Variants in PRMT3 observed in about 807,000 individuals in gnomAD.
PRMT3 encodes the protein protein arginine N-methyltransferase 3.
In PRMT3, 62 loss-of-function variants were observed where a neutral mutation model predicts 71.9. That is an observed-to-expected ratio of 0.86 (90% CI 0.70 to 1.07). The LOEUF (loss-of-function observed/expected upper bound fraction) is 1.07, where lower values mean the gene tolerates loss of function less well. PRMT3 is among the 50% of genes least tolerant of loss of function. The pLI is 0.00. For missense variants in PRMT3, 663 were observed against 643.0 expected, an observed-to-expected ratio of 1.03 and a Z score of -0.34; for synonymous variants, 213 against 220.4, an observed-to-expected ratio of 0.97 and a Z score of 0.30.
chr11:20,433,284 T>G (rs1343617607), intron 10 of PRMT3, among the ~76,000 whole-genome samples: 1 of 152,172 alleles, frequency 6.6e-6, no homozygotes, highest in Non-Finnish European at 1.5e-5. Flanking sequence ...TAGCTCCCAC[T>G]TATAAGTGAG....
chr11:20,439,585 C>T (rs57625042), intron 10 of PRMT3, among the ~76,000 whole-genome samples: 5,899 of 152,286 alleles, frequency 0.039, 357 homozygotes, highest in African/African-American at 0.13. Context: ...TTTTAATGTA[C>T]ATTGCAGTTT....
chr11:20,462,616 A>G (rs7117347), intron 12 of PRMT3, among the ~76,000 whole-genome samples: 130,544 of 152,138 alleles, frequency 0.86, 57,022 homozygotes, highest in Non-Finnish European at 0.95. Flanking sequence ...TACATATAGT[A>G]AATTTGCCCA....
rs1848625881 is a variant in PRMT3, at chr11:20,387,752, C to T, written c.6C>T (p.Cys2=). 5 of 1,541,274 alleles carry T rather than the reference C, an allele frequency of 3.2e-6. No individual in the cohort carries two copies. In the South Asian group the frequency reaches 4.8e-5, roughly 15 times the overall value. The change falls in exon 1 of 16, where the codon TGC becomes TGT. Residue 2 remains cysteine, a synonymous_variant. Transcript: ENST00000331079. The surrounding 1 kb of genome is among the most constrained non-coding windows in gnomAD (Gnocchi z 4.3). ...GCTCTCGGGGCACCACAGCCATGTG[C>T]TCGTTAGCGTCAGGCGCTACCGGTG... The part of the protein sequence containing the change: M[C]SLASGATGGR...
Position 20,462,148 on chromosome 11 carries a change from C to T in PRMT3, c.1241C>T (p.Ser414Leu), listed in dbSNP as rs756582292. Residue 414 changes from serine to leucine, a missense_variant, in exon 12 of 16, where the codon TCA becomes TTA. Transcript: ENST00000331079. ...GTTTTAGATCCGAAGACTCTTATTT[C>T]AGAACCTTGTGGTATTAAGGTAGGT... ...VEVLDPKTLI[S>L]EPCGIKHIDC... is the part of the protein sequence containing the mutation. 6.2e-7 allele frequency: 1 copy of T among 1,608,474 alleles called. No homozygotes were observed. The highest frequency in any genetic ancestry group is 8.5e-7 in the Non-Finnish European group (1 of 1,176,240).
intron 13 of PRMT3, among the ~76,000 whole-genome samples, chr11:20,467,042 G>A (rs1177200372): frequency 1.3e-5 from 2 of 152,174 alleles, no homozygotes; most frequent in African/African-American, 2.4e-5. Flanking sequence ...GAAGAAGGTG[G>A]CAGGAGGTTG....
Position 20,480,507 on chromosome 11 carries a change from A to G in PRMT3, c.1348-13412A>G, listed in dbSNP as rs189293922. Among the ~76,000 whole-genome samples, 30 of 152,210 alleles carry G rather than the reference A, an allele frequency of 2.0e-4. No homozygotes were observed. In the East Asian group the frequency reaches 3.7e-3, roughly 19 times the overall value. On this transcript the variant is annotated intron_variant, in intron 13 of 15. Coordinates refer to ENST00000331079, the MANE Select transcript of PRMT3 (RefSeq NM_005788.4). ...ATCATAGTGCTAAGAGATGGAAAGC[A>G]CCTTGTGCTATTTGGCCGTTTCAGT...
intron 9 of PRMT3, among the ~76,000 whole-genome samples, chr11:20,416,359 A>T (rs2133336407): frequency 6.6e-6 from 1 of 152,200 alleles, no homozygotes; most frequent in Middle Eastern, 3.4e-3. Flanking sequence ...ATTTCTTGCC[A>T]CTCTCAAAAG....
intron 13 of PRMT3, among the ~76,000 whole-genome samples, chr11:20,477,934 A>G (rs757193657): frequency 2.0e-5 from 3 of 152,104 alleles, no homozygotes; most frequent in Non-Finnish European, 4.4e-5. Context: ...CCAGGGAACT[A>G]TACTAGTGTA....
intron 10 of PRMT3, among the ~76,000 whole-genome samples, chr11:20,437,312 A>G (rs1446055078): frequency 3.3e-5 from 5 of 151,498 alleles, no homozygotes; most frequent in Admixed American, 1.3e-4. Flanking sequence ...TTGCTTTTCT[A>G]GTTGTTTGAG....
At chr11:20,456,107 T>C (rs1850262023) in intron 11 of PRMT3, among the ~76,000 whole-genome samples, 1 of 152,166 alleles carries the variant, frequency 6.6e-6, no homozygotes, top group Non-Finnish European at 1.5e-5. Context: ...AGAAACTACA[T>C]ACTGAAAATA....
chr11:20,488,411 T>C (rs75713069), intron 13 of PRMT3, among the ~76,000 whole-genome samples: 6,302 of 152,262 alleles, frequency 0.041, 197 homozygotes, highest in Middle Eastern at 0.14. Context: ...ATCAGTTGGC[T>C]TTTGCATTCC....
intron 3 of PRMT3, among the ~76,000 whole-genome samples, chr11:20,391,660 TAAC>T (rs1198162412): frequency 1.3e-5 from 2 of 152,052 alleles, no homozygotes; most frequent in Admixed American, 6.5e-5. Context: ...AGTTTTCTCA[TAAC>T]AAGAGTTTTA....
rs552904809 is a variant in PRMT3 at position 20,400,470 on chromosome 11, A to G, written c.706-2449A>G. Among the ~76,000 whole-genome samples the G allele has an allele frequency of 3.3e-5, 5 of 152,320 alleles. No individual in the cohort carries two copies. The South Asian group carries it at 1.0e-3, about 32-fold the overall frequency. Reference sequence around the variant, plus strand: ...TTTGAAGAAGAGTCATCATTGGCTAACACTATAAATCCGAAATGCATCGGT... The same window carrying G: ...TTTGAAGAAGAGTCATCATTGGCTAGCACTATAAATCCGAAATGCATCGGT... On this transcript the variant is annotated intron_variant, in intron 7 of 15. Coordinates refer to ENST00000331079, the MANE Select transcript of PRMT3 (RefSeq NM_005788.4).
At chr11:20,476,217 A>T (rs1278995114) in intron 13 of PRMT3, among the ~76,000 whole-genome samples, 3 of 151,684 alleles carry the variant, frequency 2.0e-5, no homozygotes, top group African/African-American at 7.3e-5. Context: ...GCCAGGCGTG[A>T]TGGCAGGCGC....
rs529421984 is a variant in PRMT3, at chr11:20,396,181, ATGT to A, written c.560+223_560+225del. Among the ~76,000 whole-genome samples, 42 of 152,298 alleles carry A rather than the reference ATGT, an allele frequency of 2.8e-4. No individual in the cohort carries two copies. The East Asian group carries it at 6.7e-3, about 24-fold the overall frequency. On this transcript the variant is annotated intron_variant, in intron 6 of 15. Transcript: ENST00000331079. ...TACCTATTCTGATATGTTCTGACAA[ATGT>A]TGTCCTCATGAATGTTTTTGTTCTT...
chr11:20,417,981 T>C (rs1849345620), intron 9 of PRMT3, among the ~76,000 whole-genome samples: 2 of 152,234 alleles, frequency 1.3e-5, no homozygotes, highest in South Asian at 4.1e-4. Flanking sequence ...CGTAAGTGCA[T>C]GGACTGTGTC....
chr11:20,432,749 A>G (rs1849681680), intron 10 of PRMT3, among the ~76,000 whole-genome samples: 1 of 152,142 alleles, frequency 6.6e-6, no homozygotes, highest in African/African-American at 2.4e-5. Flanking sequence ...CAGCCGTTCT[A>G]ACTGGCATGA....
chr11:20,401,725 C>G (rs1203183848), intron 7 of PRMT3, among the ~76,000 whole-genome samples: 1 of 152,174 alleles, frequency 6.6e-6, no homozygotes, highest in Non-Finnish European at 1.5e-5. Flanking sequence ...AGCAGAGCCC[C>G]TAACTGCTTA....
rs907783045 is a variant in PRMT3 at position 20,392,125 on chromosome 11, T to A, written c.248-86T>A. The A allele has an allele frequency of 6.1e-6, 8 of 1,310,530 alleles. No homozygotes were observed. The Admixed American group carries it at 1.5e-4, about 25-fold the overall frequency. 81.2% of individuals were successfully genotyped at this position (1,310,530 alleles called of 1,614,324 possible). On this transcript the variant is annotated intron_variant, in intron 3 of 15. Transcript: ENST00000331079. ...TTTAGAGGTCAGAATTATTTTATTG[T>A]TTAATCAGAGAAGGCTTTATAGAAT... is the stretch of plus-strand genomic sequence containing the variant.
Sources: gnomAD v4.1 joint callset for allele counts (sites outside exome capture counted in the v4.1 genomes callset) on GRCh38, gnomAD v4.1.1 for gene constraint, Gnocchi (gnomAD v3.1) non-coding constraint, MANE v1.5 for transcripts, NCBI Gene and HGNC (gene_info 2026-07-23, HGNC 2026-07-21) for gene names.